The following ANO3 variants were observed in gnomAD, a reference collection of about 807,000 sequenced individuals.
The protein encoded by ANO3 is anoctamin-3.
A neutral mutation model predicts 144.8 loss-of-function variants in ANO3; 99 were observed. The observed-to-expected ratio is 0.68, with a 90% CI of 0.58 to 0.81. ANO3 has a LOEUF of 0.81. Among genes scored for constraint, ANO3 ranks in the 30% least tolerant of loss-of-function variants. The probability of loss-of-function intolerance (pLI) is 0.00; values close to 1 mark genes in which losing one functional copy is unlikely to be tolerated. For synonymous variants in ANO3, 414 were observed against 392.6 expected (o/e 1.05, Z -0.64); for missense variants, 905 against 1,202.2 (o/e 0.75, Z 3.66).
At chr11:26,225,800 A>T (rs1258814578) in intron 1 of ANO3, among the ~76,000 whole-genome samples, 3 of 152,174 alleles carry the variant, frequency 2.0e-5, no homozygotes, top group Non-Finnish European at 4.4e-5. Flanking sequence ...TTCTGGAGTG[A>T]AGCAACATAG....
At chr11:26,554,694 C>G (rs1330217104) in intron 13 of ANO3, among the ~76,000 whole-genome samples, 4 of 152,044 alleles carry the variant, frequency 2.6e-5, no homozygotes, top group Non-Finnish European at 5.9e-5. Context: ...TGGTCTGACT[C>G]CAGTCTCTCA....
At chr11:26,575,848 A>T (rs1850971696) in intron 14 of ANO3, among the ~76,000 whole-genome samples, 1 of 152,218 alleles carries the variant, frequency 6.6e-6, no homozygotes, top group South Asian at 2.1e-4. Flanking sequence ...TTAGGGTCTC[A>T]CATAGTGTCC....
At chr11:26,608,380 G>A (rs902111025) in intron 17 of ANO3, among the ~76,000 whole-genome samples, 5 of 152,164 alleles carry the variant, frequency 3.3e-5, no homozygotes, top group African/African-American at 9.7e-5. Flanking sequence ...CCTGCATAGG[G>A]TGTCTGACAA....
chr11:26,246,674 T>A (rs1022977695), intron 1 of ANO3, among the ~76,000 whole-genome samples: 13 of 148,534 alleles, frequency 8.8e-5, no homozygotes, highest in African/African-American at 3.2e-4. Context: ...CCAAAACTCA[T>A]CTTCAGTTGT....
intron 7 of ANO3, among the ~76,000 whole-genome samples, chr11:26,528,621 AAGG>A (rs1849226415): frequency 6.6e-6 from 1 of 152,164 alleles, no homozygotes; most frequent in South Asian, 2.1e-4. Context: ...CCTCCTAATG[AAGG>A]AGAACAAATG....
chr11:26,374,244 C>T (rs1043766674), intron 1 of ANO3, among the ~76,000 whole-genome samples: 2 of 152,168 alleles, frequency 1.3e-5, no homozygotes, highest in Non-Finnish European at 2.9e-5. Context: ...GCAAAGAAAT[C>T]ATTTATGCAT....
chr11:26,360,077 T>C (rs554517864), intron 1 of ANO3, among the ~76,000 whole-genome samples: 1 of 152,174 alleles, frequency 6.6e-6, no homozygotes, highest in Admixed American at 6.5e-5. Flanking sequence ...TTTTGATTTA[T>C]GAATACAAAA....
chr11:26,238,932 G>T (rs1284592006), intron 1 of ANO3, among the ~76,000 whole-genome samples: 1 of 151,582 alleles, frequency 6.6e-6, no homozygotes, highest in South Asian at 2.1e-4. Context: ...TTGCTAGCTA[G>T]AGATAATTTC....
At chr11:26,388,262 G>A (rs895190313) in intron 1 of ANO3, among the ~76,000 whole-genome samples, 22 of 151,482 alleles carry the variant, frequency 1.5e-4, no homozygotes, top group Non-Finnish European at 2.7e-4. Flanking sequence ...TTTAGTAGAT[G>A]AACCCTTTAA....
chr11:26,193,387 G>A lies in ANO3; in HGVS notation c.154+4057G>A, dbSNP rs564705904. Among the ~76,000 whole-genome samples the A allele has an allele frequency of 4.9e-4, 74 of 151,972 alleles. 1 individual carries two copies. The South Asian group carries it at 5.8e-3, about 12-fold the overall frequency. On this transcript the variant is annotated intron_variant, in intron 1 of 27. Coordinates refer to the ANO3 transcript ENST00000672621. ...AAACTCCTGACCTCAGGTGCCACCC[G>A]CCTCAGCCTCCCAAAGTGCTGGGAT...
At chr11:26,276,428 G>T (rs879899308) in intron 1 of ANO3, among the ~76,000 whole-genome samples, 1 of 152,096 alleles carries the variant, frequency 6.6e-6, no homozygotes, top group East Asian at 1.9e-4. Flanking sequence ...TTTGATATTT[G>T]TATAACTCTT....
chr11:26,255,227 T>C (rs1252513217), intron 1 of ANO3, among the ~76,000 whole-genome samples: 2 of 152,196 alleles, frequency 1.3e-5, no homozygotes, highest in African/African-American at 4.8e-5. Flanking sequence ...AAAGGCATTT[T>C]TTCTTTCTAA....
At chr11:26,610,997 C>G (rs192711787) in intron 17 of ANO3, among the ~76,000 whole-genome samples, 1 of 152,020 alleles carries the variant, frequency 6.6e-6, no homozygotes, top group African/African-American at 2.4e-5. Flanking sequence ...CCTTTTTCAT[C>G]TCTGATTTTA....
chr11:26,300,128 T>C (rs1484121386), intron 1 of ANO3, among the ~76,000 whole-genome samples: 3 of 152,114 alleles, frequency 2.0e-5, no homozygotes, highest in African/African-American at 7.2e-5. Flanking sequence ...TATGCTGGCA[T>C]GTTTTTTCCT....
chr11:26,412,539 G>C lies in ANO3; in HGVS notation c.47-29379G>C, dbSNP rs184911680. ...AGTGTGTGAAGGTATATTTTGAGGA[G>C]CATGGCTGGCACCTGGTATACTCAA... On this transcript the variant is annotated intron_variant, in intron 1 of 26. Transcript: ENST00000256737. Among the ~76,000 whole-genome samples the C allele has an allele frequency of 5.3e-5, 8 of 151,692 alleles. No individual in the cohort carries two copies. The East Asian group carries it at 1.6e-3, about 30-fold the overall frequency.
intron 3 of ANO3, chr11:26,460,215 T>G (rs998941818): frequency 5.6e-6 from 2 of 354,736 alleles, no homozygotes; most frequent in Non-Finnish European, 1.1e-5. Flanking sequence ...TCTACTTCTG[T>G]TATATATTTT....
At chr11:26,441,582 C>T (rs570532835) in intron 1 of ANO3, among the ~76,000 whole-genome samples, 33 of 152,224 alleles carry the variant, frequency 2.2e-4, no homozygotes, top group African/African-American at 7.0e-4. Context: ...TATTTGAAAG[C>T]CTAAATCATA....
At position 26,537,461 on chromosome 11, in the gene ANO3, G is replaced by T; in HGVS notation, c.1032G>T (p.Glu344Asp). The change falls in exon 10 of 27, where the codon GAG becomes GAT. Residue 344 changes from glutamate to aspartate, a missense_variant and splice_region_variant. Glu to Asp is a conservative substitution (Grantham distance 45). Transcript: ENST00000256737. ...ACATAGCAGCGTTTCCACCACATGA[G>T]GTAATTTTGAAATACAGTTTCCGCT... is the stretch of plus-strand genomic sequence containing the variant. ...GSYIAAFPPH[E>D]GAYKSSQPIK... The T allele has an allele frequency of 6.2e-7, 1 of 1,612,672 alleles. No homozygotes were observed. Among genetic ancestry groups the T allele is most frequent in the Non-Finnish European group, 8.5e-7 (1 of 1,178,680 alleles).
chr11:26,561,869 T>C (rs1426364598), intron 14 of ANO3, among the ~76,000 whole-genome samples: 1 of 151,976 alleles, frequency 6.6e-6, no homozygotes, highest in Non-Finnish European at 1.5e-5. Context: ...CTTGGTATCT[T>C]AAAGTACTAC....
Sources: gnomAD v4.1 joint callset for allele counts (sites outside exome capture counted in the v4.1 genomes callset) on GRCh38, gnomAD v4.1.1 for gene constraint, MANE v1.5 for transcripts, NCBI Gene and HGNC (gene_info 2026-07-23, HGNC 2026-07-21) for gene names.